TENM3: variants seen among roughly 807,000 people sequenced by gnomAD.
TENM3 encodes teneurin-3.
Under a neutral mutation model 255.1 loss-of-function variants are expected in TENM3, and 63 were observed. That is an observed-to-expected ratio of 0.25 (90% CI 0.20 to 0.30). The LOEUF is 0.30. Among genes scored for constraint, TENM3 ranks in the 10% least tolerant of loss-of-function variants. The pLI is 1.00. For missense variants in TENM3, 2,929 were observed against 3,461.1 expected (o/e 0.85, Z 3.86); for synonymous variants, 1,306 against 1,322.3 (o/e 0.99, Z 0.27).
the TENM3 span, among the ~76,000 whole-genome samples, chr4:181,987,291 T>C: frequency 2.6e-5 from 4 of 152,222 alleles, no homozygotes; most frequent in East Asian, 1.9e-4. Context: ...TCAGGAAATA[T>C]GAACAAAGCT....
chr4:181,735,756 T>C, the TENM3 span, among the ~76,000 whole-genome samples: 1 of 152,156 alleles, frequency 6.6e-6, no homozygotes, highest in Non-Finnish European at 1.5e-5. Flanking sequence ...ACTTGATTTG[T>C]CTTTCCTTAG....
chr4:181,605,245 A>C, the TENM3 span, among the ~76,000 whole-genome samples: 3 of 151,784 alleles, frequency 2.0e-5, no homozygotes, highest in African/African-American at 7.3e-5. Flanking sequence ...GGAGATAGTG[A>C]CCATCCTGGC....
At chr4:181,859,242 CAAA>C in the TENM3 span, among the ~76,000 whole-genome samples, 5 of 84,142 alleles carry the variant, frequency 5.9e-5, no homozygotes, top group African/African-American at 2.4e-4. Context: ...GACTCGGTCT[CAAA>C]AAAAAAAAAA....
At chr4:181,473,943 C>G in the TENM3 span, among the ~76,000 whole-genome samples, 1 of 150,132 alleles carries the variant, frequency 6.7e-6, no homozygotes, top group Admixed American at 6.7e-5. Flanking sequence ...TAAAAATATA[C>G]TGTGTATAAA....
intron 3 of TENM3, among the ~76,000 whole-genome samples, chr4:182,574,786 A>C (rs1580988426): frequency 6.6e-6 from 1 of 152,116 alleles, no homozygotes; most frequent in Non-Finnish European, 1.5e-5. Context: ...GAGCTATTTC[A>C]AAAAAATTTT....
chr4:181,822,400 A>G, the TENM3 span, among the ~76,000 whole-genome samples: 1 of 152,194 alleles, frequency 6.6e-6, no homozygotes, highest in Non-Finnish European at 1.5e-5. Flanking sequence ...AAGAGTCACA[A>G]AAGTGGGGGA....
In TENM3 at chr4:182,736,908, C is replaced by G; in HGVS notation, c.3068C>G (p.Thr1023Ser). Residue 1023 changes from threonine to serine, a missense_variant, in exon 17 of 28, where the codon ACC (threonine) becomes AGC (serine). Around this residue, in one of 6 missense-constraint regions of TENM3, gnomAD observed 1,608 missense variants for 1,884.4 expected, o/e 0.85. Transcript: ENST00000511685. ...AAGTCAGTTCTCAAGATCACCATGA[C>G]CCAGTCTATTATTCCATTTAATTTA... ...GYKSVLKITM[T>S]QSIIPFNLMK... 6.2e-7 allele frequency: 1 copy of G among 1,613,810 alleles called. No homozygotes were observed. Among genetic ancestry groups the G allele is most frequent in the South Asian group, 1.1e-5 (1 of 91,074 alleles).
chr4:182,313,589 AT>A (rs1265364567), intron 1 of TENM3, among the ~76,000 whole-genome samples: 1 of 152,178 alleles, frequency 6.6e-6, no homozygotes, highest in African/African-American at 2.4e-5. Flanking sequence ...TAGGAGGGCA[AT>A]TATTATTTTT....
the TENM3 span, among the ~76,000 whole-genome samples, chr4:181,497,726 CTTGT>C: frequency 1.3e-4 from 20 of 152,188 alleles, no homozygotes; most frequent in East Asian, 3.9e-4. Flanking sequence ...GATTGATTTG[CTTGT>C]TTGTTTTAAT....
the TENM3 span, among the ~76,000 whole-genome samples, chr4:181,824,213 C>CA: frequency 1.3e-5 from 2 of 152,010 alleles, no homozygotes; most frequent in African/African-American, 4.8e-5. Context: ...ATGGTCCTCC[C>CA]ACCTCAGCCT....
At chr4:181,723,385 A>C in the TENM3 span, among the ~76,000 whole-genome samples, 2 of 150,254 alleles carry the variant, frequency 1.3e-5, no homozygotes, top group African/African-American at 4.9e-5. Context: ...CCATTTCTTC[A>C]TTTTCATGAT....
At chr4:181,641,543 A>C in the TENM3 span, among the ~76,000 whole-genome samples, 1 of 26,582 alleles carries the variant, frequency 3.8e-5, no homozygotes, top group Non-Finnish European at 7.6e-5. Flanking sequence ...ATAGTATTCC[A>C]TGGTGTGTGT....
chr4:182,721,899 A>G (rs1759766615), intron 13 of TENM3, among the ~76,000 whole-genome samples: 1 of 151,154 alleles, frequency 6.6e-6, no homozygotes, highest in Non-Finnish European at 1.5e-5. Flanking sequence ...GTTTTTTTCT[A>G]TTGAGCTGCT....
the TENM3 span, among the ~76,000 whole-genome samples, chr4:181,635,120 A>T: frequency 6.6e-6 from 1 of 152,154 alleles, no homozygotes; most frequent in Non-Finnish European, 1.5e-5. Context: ...TTCTAATGGG[A>T]TTTAGCCGTC....
the TENM3 span, among the ~76,000 whole-genome samples, chr4:181,940,294 C>CTTTA: frequency 1.3e-5 from 2 of 152,110 alleles, no homozygotes; most frequent in African/African-American, 2.4e-5. Flanking sequence ...TTTCAGCTTG[C>CTTTA]TTTACTAAAG....
intron 1 of TENM3, among the ~76,000 whole-genome samples, chr4:182,157,451 G>A (rs985260042): frequency 6.6e-6 from 1 of 152,196 alleles, no homozygotes; most frequent in African/African-American, 2.4e-5. Flanking sequence ...CTCAGCTGCT[G>A]ACACAGTGCC....
chr4:181,718,659 A>G, the TENM3 span, among the ~76,000 whole-genome samples: 4 of 152,166 alleles, frequency 2.6e-5, no homozygotes, highest in Non-Finnish European at 5.9e-5. Flanking sequence ...ATTATTCCAG[A>G]GTTTCTAGGC....
chr4:182,630,040 C>T (rs888538962), intron 5 of TENM3, among the ~76,000 whole-genome samples: 2 of 152,190 alleles, frequency 1.3e-5, no homozygotes, highest in African/African-American at 2.4e-5. Context: ...CACTTTCTCT[C>T]CTTAACCCGA....
At chr4:182,615,712 AG>A (rs1378070307) in intron 4 of TENM3, among the ~76,000 whole-genome samples, 1 of 152,040 alleles carries the variant, frequency 6.6e-6, no homozygotes, top group East Asian at 1.9e-4. Flanking sequence ...AGTTAAAAAA[AG>A]GGGGATGTTG....
Sources: allele counts gnomAD v4.1 joint callset (sites outside exome capture counted in the v4.1 genomes callset), GRCh38; gene constraint gnomAD v4.1.1; regional missense constraint gnomAD v4.1.1; transcripts MANE v1.5; gene names NCBI Gene and HGNC (gene_info 2026-07-23, HGNC 2026-07-21).